Variants in RBM47 observed in about 807,000 individuals in gnomAD.
The protein encoded by RBM47 is RNA binding motif protein 47, also known as RNA-binding protein 47.
A neutral mutation model predicts 47.1 loss-of-function variants in RBM47; 21 were observed. That is an observed-to-expected ratio of 0.45 (90% CI 0.32 to 0.64). The LOEUF (loss-of-function observed/expected upper bound fraction) is 0.64, where lower values mean the gene tolerates loss of function less well. Among genes scored for constraint, RBM47 ranks in the 30% least tolerant of loss-of-function variants. The pLI, the probability that RBM47 is intolerant of heterozygous loss-of-function variation, is 0.05. For synonymous variants in RBM47, 375 were observed against 361.7 expected, an observed-to-expected ratio of 1.04 and a Z score of -0.42; for missense variants, 708 against 870.9, an observed-to-expected ratio of 0.81 and a Z score of 2.35.
intron 2 of RBM47, among the ~76,000 whole-genome samples, chr4:40,533,824 T>G (rs924676887): frequency 1.3e-5 from 2 of 151,534 alleles, no homozygotes; most frequent in African/African-American, 4.8e-5. Flanking sequence ...TTAATTCTTT[T>G]TTTTTTTTGA....
intron 1 of RBM47, among the ~76,000 whole-genome samples, chr4:40,621,572 T>C (rs989324659): frequency 1.3e-5 from 2 of 152,208 alleles, no homozygotes; most frequent in Admixed American, 6.5e-5. Flanking sequence ...TTGGCACTTG[T>C]GGAAACCTCA....
chr4:40,426,941 G>A (rs901232151), intron 6 of RBM47: 1 of 152,076 alleles, frequency 6.6e-6, no homozygotes, highest in Non-Finnish European at 1.5e-5. Context: ...CCACACAATT[G>A]ATTTCACAGT....
In RBM47 at chr4:40,623,922, G is replaced by A. The variant is rs573013190; in HGVS notation, c.-240+5474C>T. Among the ~76,000 whole-genome samples, 5 of 151,882 alleles carry A rather than the reference G, an allele frequency of 3.3e-5. No homozygotes were observed. The East Asian group carries it at 7.8e-4, about 24-fold the overall frequency. On this transcript the variant is annotated intron_variant, in intron 1 of 6. Transcript: ENST00000295971. Reference sequence around the variant, plus strand: ...GCTGGAGTGCAGTGACGCAATCTCGGCTCACTGCTACCTCCGCCTCCCGAT... The same window carrying A: ...GCTGGAGTGCAGTGACGCAATCTCGACTCACTGCTACCTCCGCCTCCCGAT...
chr4:40,625,690 C>A (rs760363689), intron 1 of RBM47, among the ~76,000 whole-genome samples: 4 of 152,194 alleles, frequency 2.6e-5, no homozygotes, highest in Non-Finnish European at 4.4e-5. Context: ...CAGGAACCCA[C>A]TGTGGTCTTC....
At chr4:40,613,155 C>T (rs1201920445) in intron 1 of RBM47, among the ~76,000 whole-genome samples, 1 of 152,170 alleles carries the variant, frequency 6.6e-6, no homozygotes, top group Admixed American at 6.6e-5. Flanking sequence ...AAGCTGAAAG[C>T]ACTGTACAAT....
chr4:40,464,251 C>T (rs1560388296), intron 3 of RBM47, among the ~76,000 whole-genome samples: 1 of 152,160 alleles, frequency 6.6e-6, no homozygotes, highest in African/African-American at 2.4e-5. Flanking sequence ...TAAAGATATG[C>T]GGTAGTCCCC....
intron 1 of RBM47, among the ~76,000 whole-genome samples, chr4:40,585,703 G>A (rs1368724867): frequency 6.6e-6 from 1 of 152,146 alleles, no homozygotes; most frequent in Non-Finnish European, 1.5e-5. Context: ...TCCGGCACAC[G>A]ATCAAGCACG....
intron 5 of RBM47, among the ~76,000 whole-genome samples, chr4:40,433,124 C>G (rs1041925487): frequency 3.3e-5 from 5 of 151,980 alleles, no homozygotes; most frequent in Admixed American, 6.6e-5. Flanking sequence ...CCTTGCCCAG[C>G]TTTTTGTTTT....
chr4:40,571,394 G>C (rs1731692526), intron 1 of RBM47, among the ~76,000 whole-genome samples: 1 of 151,988 alleles, frequency 6.6e-6, no homozygotes, highest in Non-Finnish European at 1.5e-5. Context: ...GGGACAACTA[G>C]ATATTCATCT....
intron 2 of RBM47, among the ~76,000 whole-genome samples, chr4:40,509,160 AAAAT>A (rs139292597): frequency 3.8e-4 from 56 of 146,442 alleles, no homozygotes; most frequent in African/African-American, 4.6e-4. Context: ...CCTCCATCTC[AAAAT>A]AAATAAATAA....
intron 1 of RBM47, among the ~76,000 whole-genome samples, chr4:40,595,292 C>T (rs372994268): frequency 3.3e-5 from 5 of 152,006 alleles, no homozygotes; most frequent in South Asian, 2.1e-4. Flanking sequence ...GTCATGAGTT[C>T]GAGACCAGCC....
chr4:40,528,571 C>A (rs564401943), intron 2 of RBM47, among the ~76,000 whole-genome samples: 1 of 152,090 alleles, frequency 6.6e-6, no homozygotes, highest in South Asian at 2.1e-4. Context: ...TCAAGACCAG[C>A]CTGGCCAATA....
At chr4:40,603,564 T>C (rs775025782) in intron 1 of RBM47, among the ~76,000 whole-genome samples, 6 of 151,780 alleles carry the variant, frequency 4.0e-5, no homozygotes, top group Non-Finnish European at 7.4e-5. Context: ...CTCCTCTCCT[T>C]TCCCCTCCCC....
chr4:40,529,930 CCT>C (rs1727215754), intron 2 of RBM47, among the ~76,000 whole-genome samples: 2 of 147,862 alleles, frequency 1.4e-5, no homozygotes, highest in African/African-American at 5.0e-5. Flanking sequence ...TATTAGACCC[CCT>C]TTTTTTTTTT....
chr4:40,444,424 A>G (rs1325083515), intron 3 of RBM47, among the ~76,000 whole-genome samples: 1 of 146,870 alleles, frequency 6.8e-6, no homozygotes, highest in African/African-American at 2.5e-5. Flanking sequence ...CCTATCCTTA[A>G]AAAAAAAAAA....
intron 5 of RBM47, 91 bp from the exon 6 acceptor site, chr4:40,432,953 T>G: frequency 6.7e-7 from 1 of 1,490,592 alleles, no homozygotes; most frequent in South Asian, 1.4e-5. Flanking sequence ...TTTATTTTTA[T>G]TTTTTTAAAA....
intron 1 of RBM47, among the ~76,000 whole-genome samples, chr4:40,584,035 A>T (rs1452548529): frequency 1.3e-5 from 2 of 151,994 alleles, no homozygotes; most frequent in Non-Finnish European, 2.9e-5. Context: ...GCAGTGACGC[A>T]ATCTTGGCTC....
chr4:40,451,184 CAAAAAAAAAAA>C (rs958122281), intron 3 of RBM47, among the ~76,000 whole-genome samples: 1 of 51,474 alleles, frequency 1.9e-5, no homozygotes, highest in African/African-American at 6.1e-5. Context: ...CAGTAGCTAC[CAAAAAAAAAAA>C]AAAAAAAAAA....
At chr4:40,603,788 G>T (rs893067585) in intron 1 of RBM47, among the ~76,000 whole-genome samples, 1 of 152,082 alleles carries the variant, frequency 6.6e-6, no homozygotes, top group African/African-American at 2.4e-5. Context: ...TTTTTGTAGA[G>T]ACGGGGTTTC....
Sources: gnomAD v4.1 joint callset for allele counts (sites outside exome capture counted in the v4.1 genomes callset) on GRCh38, gnomAD v4.1.1 for gene constraint, MANE v1.5 for transcripts, NCBI Gene and HGNC (gene_info 2026-07-23, HGNC 2026-07-21) for gene names.